Variants in PLCE1 observed in about 807,000 individuals in gnomAD.
PLCE1 encodes the protein phospholipase C epsilon 1.
In PLCE1, 119 loss-of-function variants were observed where a neutral mutation model predicts 242.8. That is an observed-to-expected ratio of 0.49 (90% CI 0.42 to 0.57). The LOEUF (loss-of-function observed/expected upper bound fraction) is 0.57. Ranked by LOEUF, PLCE1 falls within the 20% of genes least tolerant of loss-of-function variation. PLCE1 has a pLI of 0.00. For missense variants in PLCE1, 2,441 were observed against 2,788.8 expected, an observed-to-expected ratio of 0.88 and a Z score of 2.81; for synonymous variants, 945 against 1,017.4, an observed-to-expected ratio of 0.93 and a Z score of 1.35.
rs369676435 is a variant in PLCE1 at position 94,265,704 on chromosome 10, G to T, written c.4111G>T (p.Ala1371Ser). The T allele has an allele frequency of 1.9e-6, 3 of 1,613,576 alleles. No homozygotes were observed. Among genetic ancestry groups the T allele is most frequent in the Non-Finnish European group, 2.5e-6 (3 of 1,179,770 alleles). Residue 1371 changes from alanine to serine, a missense_variant, in exon 15 of 33, where the codon GCC becomes TCC. Ala to Ser is a moderately conservative substitution (Grantham distance 99, BLOSUM62 1). This residue lies in a region of PLCE1 where 1,004 missense variants were observed against 1,322.7 expected (regional missense o/e 0.76). Transcript: ENST00000371380. Reference protein sequence around the residue: ...HQGLMSFEGFARFLMDKENFA... With the variant: ...HQGLMSFEGFSRFLMDKENFA... Reference sequence around the variant, plus strand: ...GGGACTAATGTCATTTGAAGGGTTTGCCAGGTAACTTTTAAAATATCTTTT... The same window carrying T: ...GGGACTAATGTCATTTGAAGGGTTTTCCAGGTAACTTTTAAAATATCTTTT...
rs1436504571 is a variant in PLCE1, at chr10:94,031,628, C to T, written c.582C>T (p.Asp194=). 1.2e-6 allele frequency: 2 copies of T among 1,613,590 alleles called. No homozygotes were observed. The highest frequency in any genetic ancestry group is 1.7e-5 in the Admixed American group (1 of 59,982). ...TATTTCATTTTCATTATGAAGTTGA[C>T]AGAAGAATGTCAGACACTTTCTGTA... The part of the protein sequence containing the change: ...RAVFHFHYEV[D]RRMSDTFCTL... Residue 194 remains aspartate, a synonymous_variant, in exon 2 of 33, where the codon GAC becomes GAT. Coordinates refer to ENST00000371380, the MANE Select transcript of PLCE1 (RefSeq NM_016341.4).
Position 94,296,179 on chromosome 10 carries a change from G to A in PLCE1, c.5168-2200G>A, listed in dbSNP as rs1030309019. On this transcript the variant is annotated intron_variant, in intron 23 of 32. Coordinates refer to ENST00000371380, the MANE Select transcript of PLCE1 (RefSeq NM_016341.4). ...AGATCGAGACCATCCTGGCTAACACGGTGAAACCCCATCTCTACTAAAAAT... is the reference window on the plus strand; with the variant it reads ...AGATCGAGACCATCCTGGCTAACACAGTGAAACCCCATCTCTACTAAAAAT... Among the ~76,000 whole-genome samples the A allele has an allele frequency of 8.6e-5, 13 of 151,990 alleles. No homozygotes were observed. The East Asian group carries it at 1.4e-3, about 16-fold the overall frequency.
intron 4 of PLCE1, among the ~76,000 whole-genome samples, chr10:94,176,763 T>C (rs1193058385): frequency 6.6e-6 from 1 of 152,090 alleles, no homozygotes; most frequent in African/African-American, 2.4e-5. Context: ...GGAAAGTAAA[T>C]AGCAGTCTGC....
intron 2 of PLCE1, 137 bp downstream of exon 2, chr10:94,032,389 GT>G: frequency 1.2e-6 from 1 of 805,990 alleles, no homozygotes. Context: ...AGCATTTGTG[GT>G]TATTGAAAAC....
At chr10:94,117,192 TGAG>T (rs1332925294) in intron 2 of PLCE1, among the ~76,000 whole-genome samples, 1 of 152,146 alleles carries the variant, frequency 6.6e-6, no homozygotes, top group African/African-American at 2.4e-5. Context: ...CAGAAGATCT[TGAG>T]AAGAGTGTGA....
chr10:94,172,205 G>A (rs2048005524), intron 4 of PLCE1, among the ~76,000 whole-genome samples: 1 of 152,186 alleles, frequency 6.6e-6, no homozygotes, highest in African/African-American at 2.4e-5. Flanking sequence ...GGGATAGGGA[G>A]GAGCGTCAGG....
rs2061171119 is a variant in PLCE1, at chr10:94,011,698, A to C, written c.-365+17440A>C. Among the ~76,000 whole-genome samples, 3 of 152,202 alleles carry C rather than the reference A, an allele frequency of 2.0e-5. No homozygotes were observed. In the South Asian group the frequency reaches 6.2e-4, roughly 32 times the overall value. Reference sequence around the variant, plus strand: ...CTTACAAATATCCAAATGAATATATAAAATTTAAAATTCTTGTTTGTCAGC... The same window carrying C: ...CTTACAAATATCCAAATGAATATATCAAATTTAAAATTCTTGTTTGTCAGC... On this transcript the variant is annotated intron_variant, in intron 1 of 32. Coordinates refer to ENST00000371380, the MANE Select transcript of PLCE1 (RefSeq NM_016341.4).
At chr10:94,176,806 C>T (rs2048140336) in intron 4 of PLCE1, among the ~76,000 whole-genome samples, 1 of 151,996 alleles carries the variant, frequency 6.6e-6, no homozygotes, top group Non-Finnish European at 1.5e-5. Flanking sequence ...CAAATATCTA[C>T]CAAAAAAGGC....
intron 2 of PLCE1, among the ~76,000 whole-genome samples, chr10:94,071,446 C>A (rs1384992915): frequency 6.8e-6 from 1 of 147,932 alleles, no homozygotes; most frequent in African/African-American, 2.5e-5. Flanking sequence ...TGTCTAGTTA[C>A]ATAGAAAGTC....
chr10:94,110,867 A>G (rs961934065), intron 2 of PLCE1, among the ~76,000 whole-genome samples: 1 of 152,220 alleles, frequency 6.6e-6, no homozygotes, highest in Non-Finnish European at 1.5e-5. Flanking sequence ...GTGTTTCTCA[A>G]CCTCAGCTAG....
At chr10:94,242,314 A>AT (rs1305020744) in intron 7 of PLCE1, among the ~76,000 whole-genome samples, 2 of 151,266 alleles carry the variant, frequency 1.3e-5, no homozygotes, top group African/African-American at 4.9e-5. Flanking sequence ...TTTTATTTTT[A>AT]TTTTTTTGAG....
At chr10:94,135,090 T>C (rs117774677) in intron 3 of PLCE1, among the ~76,000 whole-genome samples, 1,670 of 152,230 alleles carry the variant, frequency 0.011, 16 homozygotes, top group Non-Finnish European at 0.014. Context: ...TCCTTTAACA[T>C]GCAGTGGAAG....
Position 94,293,489 on chromosome 10 carries a change from T to C in PLCE1, c.5036-19T>C. 6.2e-7 allele frequency: 1 copy of C among 1,612,404 alleles called. No homozygotes were observed. The highest frequency in any genetic ancestry group is 8.5e-7 in the Non-Finnish European group (1 of 1,178,932). ...TGCTTGTAGTTTTTGGCTTATTTATTTTCATTTTATGGGAACAGGACTGTC... is the reference window on the plus strand; with the variant it reads ...TGCTTGTAGTTTTTGGCTTATTTATCTTCATTTTATGGGAACAGGACTGTC... On this transcript the variant is annotated intron_variant, in intron 22 of 32. Transcript: ENST00000371380.
chr10:94,038,430 G>A (rs2061707285), intron 2 of PLCE1, among the ~76,000 whole-genome samples: 1 of 152,096 alleles, frequency 6.6e-6, no homozygotes, highest in Admixed American at 6.6e-5. Flanking sequence ...CACATTCAGA[G>A]CTTCACATTA....
At chr10:94,212,355 C>G (rs2136954392) in intron 4 of PLCE1, among the ~76,000 whole-genome samples, 1 of 152,342 alleles carries the variant, frequency 6.6e-6, no homozygotes, top group East Asian at 1.9e-4. Flanking sequence ...CTCCCGGGTT[C>G]ACGCCATTCT....
chr10:94,183,132 T>C (rs560240974), intron 4 of PLCE1, among the ~76,000 whole-genome samples: 1 of 152,286 alleles, frequency 6.6e-6, no homozygotes, highest in Admixed American at 6.5e-5. Context: ...TATTAGGATG[T>C]TTAATTCTGC....
At chr10:94,019,839 T>C (rs973860041) in intron 1 of PLCE1, among the ~76,000 whole-genome samples, 1 of 152,230 alleles carries the variant, frequency 6.6e-6, no homozygotes, top group Non-Finnish European at 1.5e-5. Flanking sequence ...GTTTGTTATA[T>C]AATGGAAATC....
rs1254127496 is a variant in PLCE1 at position 94,328,273 on chromosome 10, G to A, written c.*330G>A. 9.7e-6 allele frequency: 2 copies of A among 205,378 alleles called. No homozygotes were observed. Among genetic ancestry groups the A allele is most frequent in the African/African-American group, 4.6e-5 (2 of 43,928 alleles). The allele number at this position is 205,378 out of a possible 1,614,324, so 12.7% of individuals were successfully genotyped here. ...AACAGTAAATATTTTAGGGCTGGGG[G>A]CCATAAAATATGTTGCAACCACCCA... is the stretch of plus-strand genomic sequence containing the variant. On this transcript the variant is annotated 3_prime_UTR_variant, in exon 33 of 33. Coordinates refer to ENST00000371380, the MANE Select transcript of PLCE1 (RefSeq NM_016341.4).
chr10:94,052,097 C>G (rs1325357934), intron 2 of PLCE1, among the ~76,000 whole-genome samples: 1 of 152,162 alleles, frequency 6.6e-6, no homozygotes, highest in Non-Finnish European at 1.5e-5. Flanking sequence ...GTTCTCAGTA[C>G]ATAACTTATT....
Sources: gnomAD v4.1 joint callset for allele counts (sites outside exome capture counted in the v4.1 genomes callset) on GRCh38, gnomAD v4.1.1 for gene constraint, gnomAD v4.1.1 regional missense constraint, MANE v1.5 for transcripts, NCBI Gene and HGNC (gene_info 2026-07-23, HGNC 2026-07-21) for gene names.